The following NACC2 variants were observed in gnomAD, a reference collection of about 807,000 sequenced individuals.
NACC2 encodes the protein nucleus accumbens-associated protein 2.
A neutral mutation model predicts 25.1 loss-of-function variants in NACC2; 8 were observed. The observed-to-expected ratio is 0.32, with a 90% CI of 0.19 to 0.57. The LOEUF is 0.57. NACC2 is among the 20% of genes least tolerant of loss of function. The pLI, the probability that NACC2 is intolerant of heterozygous loss-of-function variation, is 0.89. For missense variants in NACC2, 644 were observed against 650.2 expected, an observed-to-expected ratio of 0.99 and a Z score of 0.10; for synonymous variants, 435 against 294.7, an observed-to-expected ratio of 1.48 and a Z score of -4.88.
At chr9:136,045,863 G>A (rs1206854707) in intron 2 of NACC2, among the ~76,000 whole-genome samples, 2 of 152,152 alleles carry the variant, frequency 1.3e-5, no homozygotes, top group Admixed American at 1.3e-4. Context: ...CACGGGAACA[G>A]ACCCCTGAGC....
At chr9:136,026,721 T>C (rs1206656539) in intron 2 of NACC2, among the ~76,000 whole-genome samples, 1 of 152,212 alleles carries the variant, frequency 6.6e-6, no homozygotes, top group Non-Finnish European at 1.5e-5. Context: ...TCAGGATGAA[T>C]GCTGAAATCC....
chr9:136,089,525 C>A (rs1365793960), intron 1 of NACC2, among the ~76,000 whole-genome samples: 1 of 151,958 alleles, frequency 6.6e-6, no homozygotes, highest in Non-Finnish European at 1.5e-5. Flanking sequence ...AGCCCCTCCC[C>A]CAGCGCTGGG....
intron 1 of NACC2, among the ~76,000 whole-genome samples, chr9:136,059,509 C>G (rs1840978496): frequency 6.6e-6 from 1 of 152,238 alleles, no homozygotes; most frequent in Non-Finnish European, 1.5e-5. Flanking sequence ...CGGGCCGCCT[C>G]CTTGGGTGTG....
intron 1 of NACC2, among the ~76,000 whole-genome samples, chr9:136,064,779 G>A (rs1229804526): frequency 6.6e-6 from 1 of 152,150 alleles, no homozygotes; most frequent in Non-Finnish European, 1.5e-5. Context: ...TTAAAAAAGA[G>A]GAGCGAAGTT....
intron 1 of NACC2, among the ~76,000 whole-genome samples, chr9:136,057,576 G>A (rs200840399): frequency 5.3e-5 from 8 of 152,246 alleles, no homozygotes; most frequent in South Asian, 4.1e-4. Context: ...TTTAAATAAC[G>A]TAAGCTTGAA....
At chr9:136,054,165 G>A (rs973857526) in intron 1 of NACC2, among the ~76,000 whole-genome samples, 1 of 152,232 alleles carries the variant, frequency 6.6e-6, no homozygotes, top group African/African-American at 2.4e-5. Flanking sequence ...GGGCAGGAGA[G>A]CAGCTCTCAG....
rs559704700 is a variant in NACC2 at position 136,082,016 on chromosome 9, G to GC, written c.-60+13172dup. Reference sequence around the variant, plus strand: ...CTGCAGCAAAGGCCAATCTGCCCTGGCCAGGGCCTCCAACCTCACTGGGCC... The same window carrying GC: ...CTGCAGCAAAGGCCAATCTGCCCTGGCCCAGGGCCTCCAACCTCACTGGGCC... On this transcript the variant is annotated intron_variant, in intron 1 of 5. Transcript: ENST00000277554. Among the ~76,000 whole-genome samples the GC allele has an allele frequency of 7.1e-3, 1,076 of 152,320 alleles. 26 individuals carry two copies. The highest frequency in any genetic ancestry group is 6.0e-3 in the Non-Finnish European group (410 of 68,034).
chr9:136,025,708 G>A (rs923390818), intron 2 of NACC2, among the ~76,000 whole-genome samples: 7 of 151,902 alleles, frequency 4.6e-5, no homozygotes, highest in African/African-American at 1.5e-4. Context: ...GAGGTTAGGA[G>A]TTCGAGACAG....
intron 2 of NACC2, among the ~76,000 whole-genome samples, chr9:136,030,546 C>T (rs1334928828): frequency 3.3e-5 from 5 of 151,780 alleles, no homozygotes; most frequent in African/African-American, 1.2e-4. Flanking sequence ...GGAGGTGGAG[C>T]TTGCAGTGAG....
chr9:136,094,376 G>A (rs1370425992), intron 1 of NACC2, among the ~76,000 whole-genome samples: 2 of 152,228 alleles, frequency 1.3e-5, no homozygotes, highest in South Asian at 2.1e-4. Context: ...GAGCCTGGCA[G>A]AGGGGCTGGG....
At position 136,050,468 on chromosome 9, in the gene NACC2, G is replaced by A. The variant is rs1188080853; in HGVS notation, c.54C>T (p.Gly18=). ...EIPNFGNTVL[G]CLNEQRLLGL... ...CCAGCAGGCGCTGCTCGTTCAGGCAGCCCAGCACTGTGTTCCCGAAGTTGG... is the reference window on the plus strand; with the variant it reads ...CCAGCAGGCGCTGCTCGTTCAGGCAACCCAGCACTGTGTTCCCGAAGTTGG... The change falls in exon 2 of 6, where the codon GGC becomes GGT. Residue 18 remains glycine (G), a synonymous_variant. Coordinates refer to ENST00000277554, the MANE Select transcript of NACC2 (RefSeq NM_144653.5). The A allele has an allele frequency of 1.7e-5, 13 of 765,666 alleles. No individual in the cohort carries two copies. The highest frequency in any genetic ancestry group is 3.1e-5 in the Non-Finnish European group (13 of 417,468). 47.4% of individuals were successfully genotyped at this position (765,666 alleles called of 1,614,324 possible). A position where few individuals can be genotyped will look rare whatever the true frequency, so the allele number is the denominator to read the frequency against.
At chr9:136,025,084 A>C (rs1392778629) in intron 2 of NACC2, among the ~76,000 whole-genome samples, 1 of 152,246 alleles carries the variant, frequency 6.6e-6, no homozygotes, top group Admixed American at 6.5e-5. Flanking sequence ...TGGAGAGATG[A>C]AAATGGACTG....
intron 1 of NACC2, among the ~76,000 whole-genome samples, chr9:136,058,043 T>C (rs1167069058): frequency 6.6e-6 from 1 of 152,192 alleles, no homozygotes; most frequent in Non-Finnish European, 1.5e-5. Context: ...GCATTTCTAA[T>C]TATGCTTAAA....
At chr9:136,015,383 C>T (rs10858203) in intron 3 of NACC2, among the ~76,000 whole-genome samples, 34,297 of 152,140 alleles carry the variant, frequency 0.23, 4,915 homozygotes, top group East Asian at 0.34. Context: ...CAAGGTGGGC[C>T]CCTACCCCTC....
intron 2 of NACC2, among the ~76,000 whole-genome samples, chr9:136,039,271 G>A (rs1840596121): frequency 2.0e-5 from 3 of 152,188 alleles, no homozygotes; most frequent in Non-Finnish European, 2.9e-5. Context: ...ATAGTTCTAT[G>A]TCTAAAGTAA....
chr9:136,074,587 A>C (rs1830236858), intron 1 of NACC2, among the ~76,000 whole-genome samples: 1 of 151,704 alleles, frequency 6.6e-6, no homozygotes. Flanking sequence ...ACACAGACGG[A>C]CAGGTCAAAA....
intron 1 of NACC2, among the ~76,000 whole-genome samples, chr9:136,081,525 G>A (rs144398886): frequency 4.4e-4 from 67 of 152,366 alleles, no homozygotes; most frequent in African/African-American, 1.3e-3. Flanking sequence ...GAATTCCCTC[G>A]TGACGTTTCT....
chr9:136,032,932 C>T (rs1158412866), intron 2 of NACC2, among the ~76,000 whole-genome samples: 2 of 152,004 alleles, frequency 1.3e-5, no homozygotes, highest in African/African-American at 4.8e-5. Flanking sequence ...GCAGGAGAAT[C>T]ACTAGAACTC....
intron 5 of NACC2, among the ~76,000 whole-genome samples, chr9:136,012,394 C>T (rs538932354): frequency 1.3e-5 from 2 of 152,394 alleles, no homozygotes; most frequent in Non-Finnish European, 2.9e-5. Context: ...CTCCCCGTCC[C>T]AGTCCCAGCC....
Sources: allele counts gnomAD v4.1 joint callset (sites outside exome capture counted in the v4.1 genomes callset), GRCh38; gene constraint gnomAD v4.1.1; transcripts MANE v1.5; gene names NCBI Gene and HGNC (gene_info 2026-07-23, HGNC 2026-07-21).